RAD54B: variants seen among roughly 807,000 people sequenced by gnomAD.
The protein encoded by RAD54B is DNA repair and recombination protein RAD54B.
Under a neutral mutation model 95.8 loss-of-function variants are expected in RAD54B, and 78 were observed. That is an observed-to-expected ratio of 0.81 (90% confidence interval 0.68 to 0.98). RAD54B has a LOEUF of 0.98. Among genes scored for constraint, RAD54B ranks in the 50% least tolerant of loss-of-function variants. The probability of loss-of-function intolerance (pLI) is 0.00; values close to 1 mark genes in which losing one functional copy is unlikely to be tolerated. For missense variants in RAD54B, 957 were observed against 1,056.6 expected (o/e 0.91, Z 1.31); for synonymous variants, 328 against 354.9 (o/e 0.92, Z 0.85).
chr8:94,445,936 A>C (rs1020175827), intron 3 of RAD54B, among the ~76,000 whole-genome samples: 3 of 152,226 alleles, frequency 2.0e-5, no homozygotes, highest in African/African-American at 7.2e-5. Context: ...TTGATGGATA[A>C]ATATATAATA....
chr8:94,472,129 T>C (rs947929220), intron 1 of RAD54B, among the ~76,000 whole-genome samples: 1 of 152,160 alleles, frequency 6.6e-6, no homozygotes, highest in Non-Finnish European at 1.5e-5. Context: ...AAGGACAAAA[T>C]AGATCTCTAT....
chr8:94,388,996 G>A (rs75420218), intron 10 of RAD54B, among the ~76,000 whole-genome samples: 2,135 of 152,308 alleles, frequency 0.014, 59 homozygotes, highest in African/African-American at 0.049. Context: ...TATGAGACCT[G>A]CCTATTTAGA....
intron 5 of RAD54B, among the ~76,000 whole-genome samples, chr8:94,405,505 C>G (rs2515106): frequency 0.91 from 137,740 of 152,192 alleles, 62,772 homozygotes; most frequent in Non-Finnish European, 0.96. Context: ...TAAGTTTTCT[C>G]TGGATCTTCC....
At chr8:94,471,294 T>A (rs555466436) in intron 1 of RAD54B, among the ~76,000 whole-genome samples, 2 of 151,618 alleles carry the variant, frequency 1.3e-5, no homozygotes, top group African/African-American at 2.4e-5. Flanking sequence ...TTTAAAAAAA[T>A]GTTTAATGAC....
At chr8:94,432,888 A>G (rs1812150668) in intron 3 of RAD54B, among the ~76,000 whole-genome samples, 1 of 152,156 alleles carries the variant, frequency 6.6e-6, no homozygotes, top group South Asian at 2.1e-4. Context: ...TGTGCTTTAA[A>G]GGAGCAGGAA....
chr8:94,418,072 C>T (rs990655365), intron 3 of RAD54B, among the ~76,000 whole-genome samples: 2 of 152,178 alleles, frequency 1.3e-5, no homozygotes, highest in African/African-American at 4.8e-5. Context: ...GTATGGATAA[C>T]ACGTCATTTT....
intron 3 of RAD54B, among the ~76,000 whole-genome samples, chr8:94,432,854 C>G (rs1011919856): frequency 1.3e-5 from 2 of 152,022 alleles, no homozygotes; most frequent in Admixed American, 1.3e-4. Context: ...ACTCACAGAT[C>G]TCCCCCATCC....
chr8:94,458,528 G>T, intron 2 of RAD54B, 92 bp from the exon 3 acceptor site: 1 of 916,980 alleles, frequency 1.1e-6, no homozygotes, highest in Non-Finnish European at 1.6e-6. Flanking sequence ...ATTTAAAACA[G>T]GACATACTGG....
At chr8:94,391,572 C>T (rs1811020947) in intron 10 of RAD54B, 37 bp downstream of exon 10, 1 of 1,588,348 alleles carries the variant, frequency 6.3e-7, no homozygotes, top group Non-Finnish European at 8.6e-7. Flanking sequence ...ATAGAACCCT[C>T]ATATCCCTGA....
At chr8:94,383,855 T>C (rs905123664) in intron 11 of RAD54B, among the ~76,000 whole-genome samples, 3 of 152,148 alleles carry the variant, frequency 2.0e-5, no homozygotes, top group South Asian at 4.1e-4. Context: ...GGATGACTAT[T>C]ATCAAAAAAA....
intron 3 of RAD54B, among the ~76,000 whole-genome samples, chr8:94,414,786 A>C (rs915127642): frequency 1.3e-5 from 2 of 152,172 alleles, no homozygotes; most frequent in African/African-American, 4.8e-5. Context: ...AGAGAATAAA[A>C]TACTTAGGAA....
intron 3 of RAD54B, among the ~76,000 whole-genome samples, chr8:94,446,358 CCTGATTAAAATG>C (rs1426299171): frequency 1.3e-5 from 2 of 152,070 alleles, no homozygotes; most frequent in African/African-American, 4.8e-5. Context: ...GCAAACAGAG[CCTGATTAAAATG>C]CTGATGTTTC....
chr8:94,437,990 T>G (rs1812309016), intron 3 of RAD54B, among the ~76,000 whole-genome samples: 1 of 152,210 alleles, frequency 6.6e-6, no homozygotes, highest in Admixed American at 6.5e-5. Flanking sequence ...CATAGTTCTA[T>G]CCAATAAAAC....
chr8:94,410,778 C>A (rs952479839), intron 4 of RAD54B, among the ~76,000 whole-genome samples: 8 of 152,136 alleles, frequency 5.3e-5, no homozygotes, highest in Non-Finnish European at 7.4e-5. Flanking sequence ...ATTTTAACCA[C>A]TTAGCATTCT....
intron 3 of RAD54B, among the ~76,000 whole-genome samples, chr8:94,449,741 A>G (rs142061440): frequency 2.9e-3 from 445 of 152,244 alleles, no homozygotes; most frequent in Non-Finnish European, 4.2e-3. Context: ...AAGGATGCAT[A>G]TGAGAGAGTC....
intron 8 of RAD54B, among the ~76,000 whole-genome samples, chr8:94,396,602 A>C (rs747877851): frequency 1.3e-5 from 2 of 152,084 alleles, no homozygotes; most frequent in African/African-American, 2.4e-5. Flanking sequence ...ATGCTTGTAG[A>C]TATTCATCAC....
chr8:94,466,150 T>C (rs1023556603), intron 2 of RAD54B, among the ~76,000 whole-genome samples: 2 of 152,142 alleles, frequency 1.3e-5, no homozygotes, highest in African/African-American at 4.8e-5. Flanking sequence ...AAAATGGTAA[T>C]GTGGCAAATT....
intron 3 of RAD54B, among the ~76,000 whole-genome samples, chr8:94,437,388 T>C (rs1812294375): frequency 6.6e-6 from 1 of 152,214 alleles, no homozygotes; most frequent in East Asian, 1.9e-4. Context: ...CTCTCATCAC[T>C]GTTTCTGAGC....
At chr8:94,470,932 C>T (rs1416469764) in intron 1 of RAD54B, among the ~76,000 whole-genome samples, 1 of 152,128 alleles carries the variant, frequency 6.6e-6, no homozygotes, top group African/African-American at 2.4e-5. Context: ...CCAAGCTAGC[C>T]ATGTTCTCTT....
Sources: allele counts gnomAD v4.1 joint callset (sites outside exome capture counted in the v4.1 genomes callset), GRCh38; gene constraint gnomAD v4.1.1; transcripts MANE v1.5; gene names NCBI Gene and HGNC (gene_info 2026-07-23, HGNC 2026-07-21).